The following MICU1 variants were observed in gnomAD, a reference collection of about 807,000 sequenced individuals.
MICU1 encodes mitochondrial calcium uptake 1.
Under a neutral mutation model 56.8 loss-of-function variants are expected in MICU1, and 45 were observed. The observed-to-expected ratio is 0.79, with a 90% confidence interval of 0.62 to 1.02. The LOEUF (loss-of-function observed/expected upper bound fraction) is 1.02. Among genes scored for constraint, MICU1 ranks in the 50% least tolerant of loss-of-function variants. The probability of loss-of-function intolerance (pLI) is 0.00; values close to 1 mark genes in which losing one functional copy is unlikely to be tolerated. For synonymous variants in MICU1, 186 were observed against 195.1 expected (o/e 0.95, Z 0.39); for missense variants, 504 against 587.1 (o/e 0.86, Z 1.46).
chr10:72,495,325 T>C (rs1866801523), intron 6 of MICU1, among the ~76,000 whole-genome samples: 1 of 152,150 alleles, frequency 6.6e-6, no homozygotes, highest in Non-Finnish European at 1.5e-5. Flanking sequence ...AGTGACGGCT[T>C]ATGCCAAGAT....
chr10:72,434,425 A>G (rs1864643302), intron 8 of MICU1, among the ~76,000 whole-genome samples: 1 of 152,116 alleles, frequency 6.6e-6, no homozygotes, highest in Admixed American at 6.6e-5. Flanking sequence ...ATGTTTCCAC[A>G]TGAAATTGCT....
chr10:72,559,982 C>T (rs74673430), intron 3 of MICU1, among the ~76,000 whole-genome samples: 5,181 of 152,256 alleles, frequency 0.034, 286 homozygotes, highest in African/African-American at 0.11. Flanking sequence ...TGCGGTGGAA[C>T]GGTTTCTCCT....
chr10:72,452,652 T>C (rs1865334725), intron 8 of MICU1, among the ~76,000 whole-genome samples: 1 of 152,178 alleles, frequency 6.6e-6, no homozygotes, highest in African/African-American at 2.4e-5. Flanking sequence ...TTTGTAGCCT[T>C]GGAGCAACAG....
At chr10:72,425,553 T>C (rs1279603660) in intron 8 of MICU1, among the ~76,000 whole-genome samples, 2 of 152,248 alleles carry the variant, frequency 1.3e-5, no homozygotes, top group Non-Finnish European at 2.9e-5. Context: ...TAATGGGCTC[T>C]ATTATGATTA....
chr10:72,584,162 C>A (rs150576272), intron 1 of MICU1, among the ~76,000 whole-genome samples: 103 of 152,258 alleles, frequency 6.8e-4, no homozygotes, highest in Non-Finnish European at 9.6e-4. Context: ...CCTTCTGATA[C>A]TCTCTGAAAC....
chr10:72,577,431 C>CCAGTGCACT (rs1840777326), intron 1 of MICU1, among the ~76,000 whole-genome samples: 1 of 151,788 alleles, frequency 6.6e-6, no homozygotes, highest in Non-Finnish European at 1.5e-5. Context: ...ATTGCTTGAA[C>CCAGTGCACT]CCGGGAGGCG....
At chr10:72,554,949 A>G (rs1028031688) in intron 3 of MICU1, among the ~76,000 whole-genome samples, 2 of 152,222 alleles carry the variant, frequency 1.3e-5, no homozygotes, top group African/African-American at 4.8e-5. Flanking sequence ...TGGGAGGCAG[A>G]GGTTGCAGTG....
chr10:72,528,658 T>C (rs771033122), intron 5 of MICU1: 20 of 168,332 alleles, frequency 1.2e-4, no homozygotes, highest in Non-Finnish European at 2.5e-4. Context: ...TGTCGTAATT[T>C]ACATTTCCTC....
chr10:72,500,999 A>T (rs1867051263), intron 6 of MICU1, among the ~76,000 whole-genome samples: 1 of 152,288 alleles, frequency 6.6e-6, no homozygotes, highest in Non-Finnish European at 1.5e-5. Flanking sequence ...ATTCCCACTC[A>T]ATTCTTATTA....
intron 3 of MICU1, among the ~76,000 whole-genome samples, chr10:72,560,065 T>C (rs752887423): frequency 6.6e-6 from 1 of 152,110 alleles, no homozygotes; most frequent in Non-Finnish European, 1.5e-5. Context: ...GCCAAAAAGG[T>C]TGGGGACTGC....
chr10:72,372,805 G>T (rs1272036467), intron 11 of MICU1, among the ~76,000 whole-genome samples: 1 of 151,834 alleles, frequency 6.6e-6, no homozygotes, highest in African/African-American at 2.4e-5. Context: ...TCATGCCATT[G>T]CACTCCAGCC....
At chr10:72,409,391 T>A (rs1863733887) in intron 9 of MICU1, among the ~76,000 whole-genome samples, 1 of 152,174 alleles carries the variant, frequency 6.6e-6, no homozygotes, top group African/African-American at 2.4e-5. Context: ...CTTATCAAAC[T>A]GAAAGCTAAA....
chr10:72,571,577 C>T lies in MICU1; in HGVS notation c.-1-4783G>A, dbSNP rs972992199. Among the ~76,000 whole-genome samples the T allele has an allele frequency of 3.9e-5, 6 of 151,986 alleles. No individual in the cohort carries two copies. In the East Asian group the frequency reaches 7.7e-4, roughly 20 times the overall value. On this transcript the variant is annotated intron_variant, in intron 1 of 11. Transcript: ENST00000361114. ...TAATAGGAAGAGATCATGGTAAAAA[C>T]GGGTTAAAGCATTATCAGTCTATCT...
intron 1 of MICU1, among the ~76,000 whole-genome samples, chr10:72,571,356 C>T (rs1406776187): frequency 1.3e-5 from 2 of 151,918 alleles, no homozygotes; most frequent in Admixed American, 1.3e-4. Context: ...AGAGTAAGAC[C>T]CTACCTCAAA....
At chr10:72,622,356 C>T (rs1249984661) in intron 1 of MICU1, among the ~76,000 whole-genome samples, 1 of 152,128 alleles carries the variant, frequency 6.6e-6, no homozygotes, top group African/African-American at 2.4e-5. Flanking sequence ...GGAACTGTCA[C>T]CCACCCTTAA....
At chr10:72,408,850 A>T (rs1407359274) in intron 9 of MICU1, among the ~76,000 whole-genome samples, 1 of 152,212 alleles carries the variant, frequency 6.6e-6, no homozygotes, top group African/African-American at 2.4e-5. Flanking sequence ...AACCCAAGTA[A>T]TGGGGAAGCC....
intron 8 of MICU1, among the ~76,000 whole-genome samples, chr10:72,432,827 G>A (rs1169886006): frequency 6.6e-6 from 1 of 152,192 alleles, no homozygotes; most frequent in Admixed American, 6.5e-5. Context: ...CATGAGATTT[G>A]TAGGGGACGA....
chr10:72,443,357 A>C (rs1220843948), intron 8 of MICU1, among the ~76,000 whole-genome samples: 2 of 152,132 alleles, frequency 1.3e-5, no homozygotes, highest in African/African-American at 2.4e-5. Flanking sequence ...TTTGTTGTGC[A>C]GAAGCTCTTG....
chr10:72,480,422 CTCAG>C (rs775229082), intron 6 of MICU1, among the ~76,000 whole-genome samples: 5 of 152,296 alleles, frequency 3.3e-5, no homozygotes, highest in South Asian at 2.1e-4. Flanking sequence ...GGGTCTAAAG[CTCAG>C]TGAGAGAGGT....
Sources: gnomAD v4.1 joint callset for allele counts (sites outside exome capture counted in the v4.1 genomes callset) on GRCh38, gnomAD v4.1.1 for gene constraint, MANE v1.5 for transcripts, NCBI Gene and HGNC (gene_info 2026-07-23, HGNC 2026-07-21) for gene names.